ERBB4: variants seen among roughly 807,000 people sequenced by gnomAD.
ERBB4 encodes the protein erb-b2 receptor tyrosine kinase 4, also known as receptor tyrosine-protein kinase erbB-4.
Under a neutral mutation model 158.0 loss-of-function variants are expected in ERBB4, and 42 were observed. The ratio of observed to expected loss-of-function variants is 0.27; its 90% CI spans 0.21 to 0.34. The LOEUF (loss-of-function observed/expected upper bound fraction) is 0.34. ERBB4 is among the 10% of genes least tolerant of loss of function. The pLI is 1.00. For missense variants in ERBB4, 1,333 were observed against 1,624.1 expected (o/e 0.82, Z 3.08); for synonymous variants, 583 against 558.7 (o/e 1.04, Z -0.61).
intron 25 of ERBB4, among the ~76,000 whole-genome samples, chr2:211,406,394 A>T (rs909338126): frequency 6.6e-6 from 1 of 152,232 alleles, no homozygotes; most frequent in Non-Finnish European, 1.5e-5. Context: ...AATATAGGTA[A>T]GTAGAAATTT....
chr2:212,138,535 T>A (rs1477206454), intron 1 of ERBB4, among the ~76,000 whole-genome samples: 2 of 152,102 alleles, frequency 1.3e-5, no homozygotes, highest in Non-Finnish European at 1.5e-5. Flanking sequence ...AAGCAGACCC[T>A]CACCAGATGC....
At chr2:212,474,826 T>C (rs1689299858) in intron 1 of ERBB4, among the ~76,000 whole-genome samples, 1 of 133,672 alleles carries the variant, frequency 7.5e-6, no homozygotes, top group Non-Finnish European at 1.5e-5. Context: ...GCCATTCTTT[T>C]TTTTTTTTTT....
intron 1 of ERBB4, among the ~76,000 whole-genome samples, chr2:212,219,120 T>A (rs545034011): frequency 6.6e-6 from 1 of 151,378 alleles, no homozygotes; most frequent in Non-Finnish European, 1.5e-5. Context: ...TCATGAAGTG[T>A]CAGAGTTTAC....
chr2:211,743,859 T>G (rs965632640), intron 5 of ERBB4, among the ~76,000 whole-genome samples: 1 of 152,186 alleles, frequency 6.6e-6, no homozygotes, highest in Non-Finnish European at 1.5e-5. Flanking sequence ...TAGCTCTCAG[T>G]GTCCAATCAT....
chr2:212,458,229 T>G (rs938864029), intron 1 of ERBB4, among the ~76,000 whole-genome samples: 1 of 152,070 alleles, frequency 6.6e-6, no homozygotes, highest in African/African-American at 2.4e-5. Context: ...AACTGTAATA[T>G]CTTTTGAAAG....
At chr2:211,939,966 A>AAAAAAT (rs1491239788) in intron 3 of ERBB4, among the ~76,000 whole-genome samples, 1,660 of 137,312 alleles carry the variant, frequency 0.012, 19 homozygotes, top group Middle Eastern at 0.033. Flanking sequence ...GGAAAAAAAA[A>AAAAAAT]ATATATATAT....
chr2:211,902,720 A>C (rs2079269968), intron 3 of ERBB4, among the ~76,000 whole-genome samples: 1 of 151,640 alleles, frequency 6.6e-6, no homozygotes, highest in Non-Finnish European at 1.5e-5. Flanking sequence ...TTTTCTTAAA[A>C]ATTTTGTTTT....
chr2:211,564,460 T>C (rs985232649), intron 19 of ERBB4, among the ~76,000 whole-genome samples: 14 of 152,216 alleles, frequency 9.2e-5, no homozygotes, highest in African/African-American at 2.7e-4. Context: ...AGAAGTATTA[T>C]GTAAATTTAC....
chr2:212,003,047 C>G (rs560696468), intron 2 of ERBB4, among the ~76,000 whole-genome samples: 1 of 146,280 alleles, frequency 6.8e-6, no homozygotes, highest in Non-Finnish European at 1.5e-5. Context: ...GAGCGAAACT[C>G]TGTCTCAAAA....
intron 2 of ERBB4, among the ~76,000 whole-genome samples, chr2:212,046,865 T>C (rs573133465): frequency 1.3e-5 from 2 of 152,316 alleles, no homozygotes; most frequent in African/African-American, 2.4e-5. Context: ...CCCAAAAGTA[T>C]ACAAGATTTG....
chr2:212,065,011 G>C (rs937451274), intron 2 of ERBB4, among the ~76,000 whole-genome samples: 8 of 150,578 alleles, frequency 5.3e-5, no homozygotes, highest in Non-Finnish European at 1.2e-4. Flanking sequence ...GTGTGTGTGT[G>C]TGTGTGTGTG....
chr2:211,908,107 A>G (rs1462191525), intron 3 of ERBB4, among the ~76,000 whole-genome samples: 1 of 151,672 alleles, frequency 6.6e-6, no homozygotes, highest in Non-Finnish European at 1.5e-5. Flanking sequence ...CAGACAACAC[A>G]AGAGAGGGGA....
intron 2 of ERBB4, among the ~76,000 whole-genome samples, chr2:212,111,859 T>C (rs1335579925): frequency 6.9e-6 from 1 of 144,936 alleles, no homozygotes; most frequent in East Asian, 1.9e-4. Flanking sequence ...GGCATTTACC[T>C]TTTTTGGCAC....
chr2:211,895,992 C>T (rs2079088101), intron 3 of ERBB4, among the ~76,000 whole-genome samples: 1 of 152,084 alleles, frequency 6.6e-6, no homozygotes, highest in Non-Finnish European at 1.5e-5. Flanking sequence ...CTTTGGTCTC[C>T]CTTAGTGTTC....
At chr2:211,971,369 T>A (rs933110635) in intron 2 of ERBB4, among the ~76,000 whole-genome samples, 1 of 152,020 alleles carries the variant, frequency 6.6e-6, no homozygotes, top group Admixed American at 6.6e-5. Flanking sequence ...AGAAACTGAA[T>A]CCATGAACAG....
At chr2:211,469,438 T>G (rs555820377) in intron 20 of ERBB4, among the ~76,000 whole-genome samples, 1 of 152,246 alleles carries the variant, frequency 6.6e-6, no homozygotes, top group East Asian at 1.9e-4. Flanking sequence ...CATGTGTACA[T>G]GAGATATGCA....
chr2:212,387,616 T>C (rs762134985), intron 1 of ERBB4, among the ~76,000 whole-genome samples: 3 of 151,892 alleles, frequency 2.0e-5, no homozygotes, highest in Admixed American at 6.6e-5. Context: ...CGGGGTTTTG[T>C]CATTTTGGTC....
Position 211,723,372 on chromosome 2 carries a change from A to G in ERBB4, c.742-838T>C, listed in dbSNP as rs566957519. ...AAATGTGGATGAGCTAATTCTTTCA[A>G]TTAAGAAATTAAGCCATTTTAGGAA... On this transcript the variant is annotated intron_variant, in intron 6 of 27. Coordinates refer to ENST00000342788, the MANE Select transcript of ERBB4 (RefSeq NM_005235.3). Among the ~76,000 whole-genome samples, 38 of 152,328 alleles carry G rather than the reference A, an allele frequency of 2.5e-4. 1 individual carries two copies. The South Asian group carries it at 7.9e-3, about 32-fold the overall frequency.
chr2:211,980,731 T>A (rs2081767652), intron 2 of ERBB4, among the ~76,000 whole-genome samples: 1 of 152,184 alleles, frequency 6.6e-6, no homozygotes, highest in African/African-American at 2.4e-5. Flanking sequence ...ATTTTATAGA[T>A]GCTTTGTTTG....
Sources: allele counts gnomAD v4.1 joint callset (sites outside exome capture counted in the v4.1 genomes callset), GRCh38; gene constraint gnomAD v4.1.1; transcripts MANE v1.5; gene names NCBI Gene and HGNC (gene_info 2026-07-23, HGNC 2026-07-21).